The following IGDCC4 variants were observed in gnomAD, a reference collection of about 807,000 sequenced individuals.
The protein encoded by IGDCC4 is likely ortholog of mouse neighbor of Punc E11.
Under a neutral mutation model 116.6 loss-of-function variants are expected in IGDCC4, and 72 were observed. The ratio of observed to expected loss-of-function variants is 0.62; its 90% confidence interval spans 0.51 to 0.75. The LOEUF (loss-of-function observed/expected upper bound fraction) is 0.75. IGDCC4 is among the 30% of genes least tolerant of loss of function. The pLI is 0.00. For missense variants in IGDCC4, 1,501 were observed against 1,662.4 expected, an observed-to-expected ratio of 0.90 and a Z score of 1.69; for synonymous variants, 709 against 719.9, an observed-to-expected ratio of 0.98 and a Z score of 0.24.
chr15:65,392,229 C>T lies in IGDCC4; in HGVS notation c.2027G>A (p.Gly676Asp), dbSNP rs756659239. ...REVGAEEEAN[G>D]DRLPGGRGDQ... ...TCCACGGCCCCCTGGCAGGCGATCG[C>T]CATTGGCCTCCTCCTCAGCCCCCAC... The change falls in exon 11 of 20, where the codon GGC becomes GAC. Residue 676 changes from glycine to aspartate, a missense_variant. Physicochemically the swap from Gly to Asp is moderately conservative, Grantham distance 94. This residue lies in a region of IGDCC4 where 898 missense variants were observed against 978.9 expected (regional missense o/e 0.92). Transcript: ENST00000352385. 6.2e-7 allele frequency: 1 copy of T among 1,613,912 alleles called. No individual in the cohort carries two copies. Among genetic ancestry groups the T allele is most frequent in the Non-Finnish European group, 8.5e-7 (1 of 1,179,922 alleles).
rs1219702224 is a variant in IGDCC4 at position 65,387,515 on chromosome 15, A to AT, written c.2846-860dup. ...AGGCATCCACCACCACGCCCAGCTAATTTTTTTTTGTATTTTTAGTAGAGA... is the reference window on the plus strand; with the variant it reads ...AGGCATCCACCACCACGCCCAGCTAATTTTTTTTTTGTATTTTTAGTAGAGA... On this transcript the variant is annotated intron_variant, in intron 16 of 19. Transcript: ENST00000352385. 1.8e-4 allele frequency among the ~76,000 whole-genome samples: 27 copies of AT among 150,964 alleles called. 1 individual carries two copies. The highest frequency in any genetic ancestry group is 3.4e-3 in the Middle Eastern group (1 of 292).
intron 1 of IGDCC4, among the ~76,000 whole-genome samples, chr15:65,414,415 T>G (rs1445786694): frequency 6.6e-6 from 1 of 152,198 alleles, no homozygotes; most frequent in Non-Finnish European, 1.5e-5. Flanking sequence ...TTCACACTAC[T>G]GCGGGCCACG....
At chr15:65,402,620 G>T in intron 3 of IGDCC4, 133 bp from the exon 4 acceptor site, 1 of 1,220,634 alleles carries the variant, frequency 8.2e-7, no homozygotes, top group Non-Finnish European at 1.1e-6. Flanking sequence ...TATAATCCCA[G>T]CACTTTGGGA....
chr15:65,401,259 G>C (rs899087579), intron 4 of IGDCC4, among the ~76,000 whole-genome samples: 2 of 152,180 alleles, frequency 1.3e-5, no homozygotes, highest in Admixed American at 6.5e-5. Flanking sequence ...CAGGGTCATG[G>C]GCAAAGCACC....
intron 1 of IGDCC4, among the ~76,000 whole-genome samples, chr15:65,414,347 G>T (rs2063124329): frequency 6.6e-6 from 1 of 152,236 alleles, no homozygotes; most frequent in Admixed American, 6.5e-5. Context: ...GCTCAGCAGG[G>T]AGAAGCAGCC....
chr15:65,412,690 T>C (rs1175422027), intron 1 of IGDCC4, among the ~76,000 whole-genome samples: 2 of 151,682 alleles, frequency 1.3e-5, no homozygotes, highest in Non-Finnish European at 2.9e-5. Flanking sequence ...CTTTGTGAGG[T>C]TGAGGGCCAA....
intron 5 of IGDCC4, among the ~76,000 whole-genome samples, chr15:65,397,375 C>G (rs990057245): frequency 3.3e-5 from 5 of 152,180 alleles, no homozygotes; most frequent in African/African-American, 1.2e-4. Flanking sequence ...TCGGACCAAG[C>G]CAACGATTCG....
At position 65,406,087 on chromosome 15, in the gene IGDCC4, G is replaced by C. The variant is rs115776665; in HGVS notation, c.564-3600C>G. ...TAGGGCCGGAGCCCATGTTATTTAAGTCCCTTAGTTCCATGTTTCTTAAAA... is the reference window on the plus strand; with the variant it reads ...TAGGGCCGGAGCCCATGTTATTTAACTCCCTTAGTTCCATGTTTCTTAAAA... On this transcript the variant is annotated intron_variant, in intron 3 of 19. Coordinates refer to ENST00000352385, the MANE Select transcript of IGDCC4 (RefSeq NM_020962.3). Among the ~76,000 whole-genome samples, 1,273 of 152,326 alleles carry C rather than the reference G, an allele frequency of 8.4e-3. 19 individuals carry two copies. The highest frequency in any genetic ancestry group is 0.029 in the African/African-American group (1,214 of 41,570).
chr15:65,385,734 G>A, intron 18 of IGDCC4, 97 bp downstream of exon 18: 2 of 1,011,164 alleles, frequency 2.0e-6, no homozygotes, highest in Non-Finnish European at 3.2e-6. Flanking sequence ...CGGCTCCGAA[G>A]AGGAGGTAGA....
chr15:65,386,754 G>T, intron 16 of IGDCC4, 98 bp from the exon 17 acceptor site: 1 of 859,064 alleles, frequency 1.2e-6, no homozygotes, highest in Non-Finnish European at 1.8e-6. Flanking sequence ...GACACCAGCT[G>T]GACCCTCACC....
chr15:65,396,430 C>T lies in IGDCC4; in HGVS notation c.998-267G>A, dbSNP rs950342989. 4 of 636,606 alleles carry T rather than the reference C, an allele frequency of 6.3e-6. No individual in the cohort carries two copies. The East Asian group carries it at 8.8e-5, about 14-fold the overall frequency. The allele number at this position is 636,606 out of a possible 1,614,324, so 39.4% of individuals were successfully genotyped here. ...TCCTCAGCCTCCCCTAAATATTGCT[C>T]CTCCCGGATCTAACCCCACCCCTAA... On this transcript the variant is annotated intron_variant, in intron 6 of 19. Transcript: ENST00000352385.
In IGDCC4 at chr15:65,388,513, T is replaced by G. The variant is rs755062661; in HGVS notation, c.2781A>C (p.Thr927=). Residue 927 remains threonine, a synonymous_variant, in exon 16 of 20, where the codon ACA becomes ACC. Transcript: ENST00000352385. ...GGGAGAAAGGCCCAGGTCCCACCTCTGTGCGCGCCCCCATCTTGAAGAAGT... is the reference window on the plus strand; with the variant it reads ...GGGAGAAAGGCCCAGGTCCCACCTCGGTGCGCGCCCCCATCTTGAAGAAGT... ...TRYFFKMGAR[T]EVGPGPFSRL... 6.2e-7 allele frequency: 1 copy of G among 1,614,146 alleles called. No individual in the cohort carries two copies. The highest frequency in any genetic ancestry group is 8.5e-7 in the Non-Finnish European group (1 of 1,180,018).
Position 65,388,481 on chromosome 15 carries a change from T to A in IGDCC4, c.2813A>T (p.Gln938Leu). The A allele has an allele frequency of 6.2e-7, 1 of 1,614,154 alleles. No homozygotes were observed. The highest frequency in any genetic ancestry group is 8.5e-7 in the Non-Finnish European group (1 of 1,180,028). ...CTTCTCCTGGAGCGTGATCACATCC[T>A]GCAGGCGGGAGAAAGGCCCAGGTCC... ...EVGPGPFSRL[Q>L]DVITLQEKLS... Residue 938 changes from glutamine (Q) to leucine (L), a missense_variant, in exon 16 of 20, where the codon CAG becomes CTG. Physicochemically the swap from Gln to Leu is moderately radical, Grantham distance 113 (BLOSUM62 -2). Transcript: ENST00000352385.
At chr15:65,406,785 C>T (rs1811232713) in intron 3 of IGDCC4, among the ~76,000 whole-genome samples, 1 of 152,084 alleles carries the variant, frequency 6.6e-6, no homozygotes, top group South Asian at 2.1e-4. Flanking sequence ...GACTTGGGGG[C>T]AAACACTCCC....
chr15:65,384,234 C>T lies in IGDCC4; in HGVS notation c.3528G>A (p.Gly1176=), dbSNP rs1206503458. ...LISGVGDPGQ[G]AAWLDRELGG... is the part of the protein sequence containing the mutation. The stretch of plus-strand genomic sequence containing the variant: ...CCAACTCCCTGTCCAGCCAGGCTGC[C>T]CCCTGCCCTGGATCCCCAACACCCG... The change falls in exon 20 of 20, where the codon GGG becomes GGA. Residue 1176 remains glycine, a synonymous_variant. Coordinates refer to ENST00000352385, the MANE Select transcript of IGDCC4 (RefSeq NM_020962.3). The surrounding 1 kb of genome is among the most constrained non-coding windows in gnomAD (Gnocchi z 4.9). 1.9e-6 allele frequency: 3 copies of T among 1,599,810 alleles called. No homozygotes were observed. The highest frequency in any genetic ancestry group is 1.7e-5 in the Admixed American group (1 of 59,350).
intron 10 of IGDCC4, 105 bp from the exon 11 acceptor site, chr15:65,392,475 G>T (rs1263241205): frequency 3.5e-6 from 3 of 863,404 alleles, no homozygotes; most frequent in South Asian, 3.9e-5. Context: ...GAAGAGACAG[G>T]AAGATGGCAT....
rs766885703 is a variant in IGDCC4 at position 65,384,346 on chromosome 15, A to C, written c.3416T>G (p.Phe1139Cys). ...GTCAGGGTTCCCGTTAGATGCACTA[A>C]AGTCAGAGTGGACAATGACTTCAGC... ...VEAEVIVHSD[F>C]SASNGNPDLH... Residue 1139 changes from phenylalanine (F) to cysteine (C), a missense_variant, in exon 20 of 20, where the codon TTT becomes TGT. Physicochemically the swap from Phe to Cys is radical, Grantham distance 205. Transcript: ENST00000352385. The surrounding 1 kb of genome is among the most constrained non-coding windows in gnomAD (Gnocchi z 4.9). The C allele has an allele frequency of 6.3e-7, 1 of 1,583,256 alleles. No individual in the cohort carries two copies. Among genetic ancestry groups the C allele is most frequent in the South Asian group, 1.2e-5 (1 of 85,796 alleles).
At chr15:65,385,386 A>C in intron 18 of IGDCC4, 1 of 546,264 alleles carries the variant, frequency 1.8e-6, no homozygotes, top group South Asian at 2.3e-5. Context: ...AGGGTGAGGG[A>C]GGACGGGTCG....
intron 3 of IGDCC4, among the ~76,000 whole-genome samples, chr15:65,407,298 AAAAGAT>A (rs2063049081): frequency 1.3e-5 from 2 of 152,086 alleles, no homozygotes; most frequent in East Asian, 3.9e-4. Flanking sequence ...TGAAAAAAAA[AAAAGAT>A]GATTCAACAA....
Sources: gnomAD v4.1 joint callset for allele counts (sites outside exome capture counted in the v4.1 genomes callset) on GRCh38, gnomAD v4.1.1 for gene constraint, gnomAD v4.1.1 regional missense constraint, Gnocchi (gnomAD v3.1) non-coding constraint, MANE v1.5 for transcripts, NCBI Gene and HGNC (gene_info 2026-07-23, HGNC 2026-07-21) for gene names.